HMMR: variants seen among roughly 807,000 people sequenced by gnomAD.
The protein encoded by HMMR is hyaluronan mediated motility receptor.
In HMMR, 108 loss-of-function variants were observed where a neutral mutation model predicts 101.0. The ratio of observed to expected loss-of-function variants is 1.07; its 90% confidence interval spans 0.92 to 1.25. HMMR has a LOEUF of 1.25. HMMR is among the 50% of genes most tolerant of loss of function. The pLI is 0.00. For missense variants in HMMR, 813 were observed against 788.7 expected (o/e 1.03, Z -0.37); for synonymous variants, 296 against 276.4 (o/e 1.07, Z -0.70).
At position 163,490,376 on chromosome 5, in the gene HMMR, T is replaced by A; in HGVS notation, c.1963-14T>A. On this transcript the variant is annotated splice_polypyrimidine_tract_variant and intron_variant, in intron 16 of 17. Transcript: ENST00000393915. ...TTAATAATTGTTTATTACCTATTAT[T>A]TCTTTTTACCTAGGAAGTATCAAAA... 1 of 1,516,778 alleles carries A rather than the reference T, an allele frequency of 6.6e-7. No homozygotes were observed. Among genetic ancestry groups the A allele is most frequent in the Non-Finnish European group, 9.0e-7 (1 of 1,116,952 alleles). 94.0% of individuals were successfully genotyped at this position (1,516,778 alleles called of 1,614,324 possible).
intron 1 of HMMR, 88 bp from the exon 2 acceptor site, chr5:163,463,768 A>T: frequency 1.9e-6 from 1 of 528,378 alleles, no homozygotes; most frequent in Non-Finnish European, 3.1e-6. Context: ...TGACATTTTT[A>T]CATTTATATT....
At position 163,477,090 on chromosome 5, in the gene HMMR, C is replaced by A. The variant is rs577279648; in HGVS notation, c.1268+1418C>A. Among the ~76,000 whole-genome samples, 6 of 152,304 alleles carry A rather than the reference C, an allele frequency of 3.9e-5. No individual in the cohort carries two copies. The South Asian group carries it at 1.2e-3, about 32-fold the overall frequency. On this transcript the variant is annotated intron_variant, in intron 11 of 17. Transcript: ENST00000393915. ...CCCGAACTCTAGTTCCTTATAATTT[C>A]TGCCACATTATGTTTCCTTCTCCCA...
intron 8 of HMMR, 34 bp downstream of exon 8, chr5:163,473,287 T>A (rs1009245798): frequency 1.4e-6 from 2 of 1,477,864 alleles, no homozygotes; most frequent in African/African-American, 2.8e-5. Context: ...TTGAACCTTA[T>A]TTTTTTAATA....
At chr5:163,475,335 T>C in intron 10 of HMMR, 123 bp from the exon 11 acceptor site, 1 of 537,466 alleles carries the variant, frequency 1.9e-6, no homozygotes, top group Admixed American at 3.6e-5. Context: ...TATATTGTTT[T>C]AAGTTTCCTT....
chr5:163,485,949 A>G (rs951598734), intron 16 of HMMR, among the ~76,000 whole-genome samples: 1 of 152,236 alleles, frequency 6.6e-6, no homozygotes, highest in African/African-American at 2.4e-5. Flanking sequence ...TTAAAAAATC[A>G]TTTAGACTGT....
intron 16 of HMMR, among the ~76,000 whole-genome samples, chr5:163,486,485 C>G (rs1759480008): frequency 6.6e-6 from 1 of 151,854 alleles, no homozygotes; most frequent in South Asian, 2.1e-4. Flanking sequence ...TATCCTGCAC[C>G]CTTGCTAAAC....
intron 10 of HMMR, chr5:163,474,459 G>A (rs545211742): frequency 8.3e-6 from 4 of 481,520 alleles, no homozygotes; most frequent in South Asian, 6.9e-5. Context: ...AAATTTTCTG[G>A]CTCATTCTTG....
chr5:163,483,178 C>A lies in HMMR; in HGVS notation c.1685+6C>A. The A allele has an allele frequency of 6.2e-7, 1 of 1,609,038 alleles. No homozygotes were observed. The highest frequency in any genetic ancestry group is 2.2e-5 in the East Asian group (1 of 44,786). On this transcript the variant is annotated splice_donor_region_variant and intron_variant, in intron 14 of 17. Transcript: ENST00000393915. ...CTGGAAGATGAAGAAGGAAGGTAAT[C>A]TATGATTAGAACCTGAGTGCCTTGT...
At position 163,483,129 on chromosome 5, in the gene HMMR, C is replaced by T. The variant is rs1561645506; in HGVS notation, c.1642C>T (p.Gln548Ter). 6.2e-7 allele frequency: 1 copy of T among 1,612,386 alleles called. No individual in the cohort carries two copies. The highest frequency in any genetic ancestry group is 8.5e-7 in the Non-Finnish European group (1 of 1,179,412). The part of the protein sequence containing the change: ...ITDLQNQLKQ[Q>*]EEDFRKQLED... ...TGATTTGCAGAACCAACTCAAGCAA[C>T]AGGAGGAAGACTTTAGAAAACAGCT... Residue 548 changes from glutamine to a stop codon, truncating the protein, a stop_gained, in exon 14 of 18, where the codon CAG becomes TAG. Transcript: ENST00000393915. LOFTEE classifies it high-confidence loss of function.
At position 163,475,444 on chromosome 5, in the gene HMMR, C is replaced by T. The variant is rs746318998; in HGVS notation, c.1054-14C>T. 6.7e-7 allele frequency: 1 copy of T among 1,491,802 alleles called. No individual in the cohort carries two copies. Among genetic ancestry groups the T allele is most frequent in the Admixed American group, 2.0e-5 (1 of 50,122 alleles). 92.4% of individuals were successfully genotyped at this position (1,491,802 alleles called of 1,614,324 possible). On this transcript the variant is annotated splice_polypyrimidine_tract_variant and intron_variant, in intron 10 of 17. Coordinates refer to ENST00000393915, the MANE Select transcript of HMMR (RefSeq NM_001142556.2). The stretch of plus-strand genomic sequence containing the variant: ...CATTCCAAATTATTTTGGTGGTTTT[C>T]TGTTTGGATATAGGAATTATCTTCG...
At chr5:163,469,470 T>C (rs1159381399) in intron 4 of HMMR, among the ~76,000 whole-genome samples, 171 bp from the exon 5 acceptor site, 1 of 152,166 alleles carries the variant, frequency 6.6e-6, no homozygotes, top group Non-Finnish European at 1.5e-5. Context: ...ACTTTTAAGA[T>C]GTATCATAGG....
rs1259601768 is a variant in HMMR at position 163,490,560 on chromosome 5, A to G, written c.2125+8A>G. 6.4e-7 allele frequency: 1 copy of G among 1,569,914 alleles called. No homozygotes were observed. The highest frequency in any genetic ancestry group is 8.6e-7 in the Non-Finnish European group (1 of 1,157,704). On this transcript the variant is annotated splice_region_variant and intron_variant, in intron 17 of 17. Transcript: ENST00000393915. ...AGACCCCATTAAAAGAAGGTAAGAC[A>G]TGAATAAATGTATAAAAGTGTCCTC... is the stretch of plus-strand genomic sequence containing the variant.
Position 163,491,457 on chromosome 5 carries a change from G to A in HMMR, c.*293G>A, listed in dbSNP as rs1214764642. ...GTCAGTATCATATTATTATCCTCCTGTTCTGAAACCTTAGTTTCAAGAGTC... is the reference window on the plus strand; with the variant it reads ...GTCAGTATCATATTATTATCCTCCTATTCTGAAACCTTAGTTTCAAGAGTC... On this transcript the variant is annotated 3_prime_UTR_variant, in exon 18 of 18. Coordinates refer to ENST00000393915, the MANE Select transcript of HMMR (RefSeq NM_001142556.2). 8.9e-6 allele frequency: 2 copies of A among 224,702 alleles called. No individual in the cohort carries two copies. The highest frequency in any genetic ancestry group is 5.8e-5 in the Admixed American group (1 of 17,194). 13.9% of individuals were successfully genotyped at this position (224,702 alleles called of 1,614,324 possible).
At chr5:163,461,561 G>A (rs1330805504) in intron 1 of HMMR, among the ~76,000 whole-genome samples, 7 of 151,982 alleles carry the variant, frequency 4.6e-5, no homozygotes, top group Admixed American at 1.3e-4. Context: ...TTGGGAGGCC[G>A]AGGCAGGTGG....
At position 163,480,134 on chromosome 5, in the gene HMMR, G is replaced by A. The variant is rs377116985; in HGVS notation, c.1385+1334G>A. Among the ~76,000 whole-genome samples the A allele has an allele frequency of 3.8e-3, 572 of 152,212 alleles. 5 individuals carry two copies. The highest frequency in any genetic ancestry group is 0.013 in the African/African-American group (550 of 41,524). The stretch of plus-strand genomic sequence containing the variant: ...AAGCCAAAAGATTTTCAACAACTTA[G>A]TATCCATATGTAAGTTCCTCTGCCA... On this transcript the variant is annotated intron_variant, in intron 12 of 17. Coordinates refer to ENST00000393915, the MANE Select transcript of HMMR (RefSeq NM_001142556.2).
chr5:163,468,810 T>C (rs1339618277), intron 4 of HMMR, among the ~76,000 whole-genome samples: 1 of 152,136 alleles, frequency 6.6e-6, no homozygotes, highest in Non-Finnish European at 1.5e-5. Context: ...TTCCCCCCCA[T>C]TATATTAAAA....
At chr5:163,490,961 GT>G in intron 17 of HMMR, 150 bp from the exon 18 acceptor site, 1 of 483,368 alleles carries the variant, frequency 2.1e-6, no homozygotes, top group East Asian at 3.4e-5. Context: ...ATAAATTAAA[GT>G]TGGTTGAAAT....
At chr5:163,479,047 G>C (rs2113494050) in intron 12 of HMMR, among the ~76,000 whole-genome samples, 1 of 152,268 alleles carries the variant, frequency 6.6e-6, no homozygotes, top group African/African-American at 2.4e-5. Flanking sequence ...TGCTGAGCCA[G>C]GTGCGGCAGC....
chr5:163,481,476 C>T (rs1254088398), intron 12 of HMMR, among the ~76,000 whole-genome samples: 1 of 152,118 alleles, frequency 6.6e-6, no homozygotes, highest in Non-Finnish European at 1.5e-5. Context: ...TTCTTTACAG[C>T]TCCATATTCA....
Sources: allele counts gnomAD v4.1 joint callset (sites outside exome capture counted in the v4.1 genomes callset), GRCh38; gene constraint gnomAD v4.1.1; transcripts MANE v1.5; gene names NCBI Gene and HGNC (gene_info 2026-07-23, HGNC 2026-07-21).